Variants in FHIT observed in about 807,000 individuals in gnomAD.
FHIT encodes the protein bis(5'-adenosyl)-triphosphatase.
In FHIT, 19 loss-of-function variants were observed where a neutral mutation model predicts 17.9. That is an observed-to-expected ratio of 1.06 (90% confidence interval 0.74 to 1.56). FHIT has a LOEUF of 1.56. Among genes scored for constraint, FHIT ranks in the 40% most tolerant of loss-of-function variants. FHIT has a pLI of 0.00. For synonymous variants in FHIT, 81 were observed against 69.7 expected (o/e 1.16, Z -0.81); for missense variants, 248 against 189.2 (o/e 1.31, Z -1.82).
At chr3:61,166,673 T>C (rs909737973) in intron 2 of FHIT, among the ~76,000 whole-genome samples, 2 of 152,214 alleles carry the variant, frequency 1.3e-5, no homozygotes, top group African/African-American at 4.8e-5. Context: ...AAATATCCAC[T>C]TGTAACACAG....
intron 4 of FHIT, among the ~76,000 whole-genome samples, chr3:60,708,832 T>G: frequency 6.6e-6 from 1 of 152,234 alleles, no homozygotes; most frequent in Non-Finnish European, 1.5e-5. Flanking sequence ...GATATTGGAA[T>G]GAAGTTCAAG....
chr3:59,883,692 C>A (rs999030462), intron 8 of FHIT, among the ~76,000 whole-genome samples: 1 of 152,196 alleles, frequency 6.6e-6, no homozygotes, highest in Non-Finnish European at 1.5e-5. Context: ...TGCTACCGCA[C>A]GTCTCTTTCC....
At chr3:61,097,121 GC>G (rs1362574913) in intron 2 of FHIT, among the ~76,000 whole-genome samples, 1 of 151,144 alleles carries the variant, frequency 6.6e-6, no homozygotes, top group African/African-American at 2.4e-5. Flanking sequence ...TTCCAAGATG[GC>G]CGAATAGGAA....
chr3:59,945,667 A>G (rs1706765506), intron 7 of FHIT, among the ~76,000 whole-genome samples: 1 of 151,742 alleles, frequency 6.6e-6, no homozygotes. Context: ...CAGTAGTTTT[A>G]GGTTTTACAT....
chr3:60,500,891 T>C (rs1271279592), intron 5 of FHIT, among the ~76,000 whole-genome samples: 4 of 151,958 alleles, frequency 2.6e-5, no homozygotes, highest in Admixed American at 6.6e-5. Flanking sequence ...CAAGCCTTGA[T>C]TGGCTTCTTT....
At chr3:60,597,674 G>A (rs1301251840) in intron 4 of FHIT, among the ~76,000 whole-genome samples, 1 of 152,110 alleles carries the variant, frequency 6.6e-6, no homozygotes, top group Admixed American at 6.6e-5. Context: ...GTGTGAACAT[G>A]GGAGGGTAAC....
At chr3:59,824,820 T>G (rs746777778) in intron 8 of FHIT, among the ~76,000 whole-genome samples, 133 of 152,124 alleles carry the variant, frequency 8.7e-4, no homozygotes, top group Non-Finnish European at 1.6e-3. Context: ...TTCTCTATCC[T>G]CTCTCTCGGC....
At chr3:60,796,996 T>C (rs1016546067) in intron 4 of FHIT, among the ~76,000 whole-genome samples, 1 of 152,204 alleles carries the variant, frequency 6.6e-6, no homozygotes, top group African/African-American at 2.4e-5. Flanking sequence ...AGGCCATGTG[T>C]TTGTATTACA....
chr3:60,834,464 G>C (rs1490471517), intron 3 of FHIT, among the ~76,000 whole-genome samples: 8 of 151,974 alleles, frequency 5.3e-5, no homozygotes, highest in Non-Finnish European at 8.8e-5. Context: ...TTTTACTGTT[G>C]AGTTTGAAAA....
At chr3:60,130,603 G>T (rs62240245) in intron 5 of FHIT, among the ~76,000 whole-genome samples, 28,406 of 151,670 alleles carry the variant, frequency 0.19, 3,315 homozygotes, top group Non-Finnish European at 0.26. Context: ...CACTGGGCAT[G>T]TGACCTATAA....
At chr3:60,314,081 G>A (rs1461128013) in intron 5 of FHIT, among the ~76,000 whole-genome samples, 4 of 149,052 alleles carry the variant, frequency 2.7e-5, no homozygotes, top group East Asian at 2.0e-4. Flanking sequence ...TAAAAGGCTC[G>A]CTTTCACACT....
intron 2 of FHIT, among the ~76,000 whole-genome samples, chr3:61,065,294 CAT>C (rs1491461755): frequency 1.6e-3 from 57 of 35,532 alleles, no homozygotes; most frequent in African/African-American, 4.0e-3. Flanking sequence ...CACACACACA[CAT>C]ACACACACAG....
intron 8 of FHIT, among the ~76,000 whole-genome samples, chr3:59,796,274 G>T (rs533171492): frequency 2.0e-5 from 3 of 152,092 alleles, no homozygotes; most frequent in Admixed American, 2.0e-4. Flanking sequence ...CCTTACCCTG[G>T]CTCTGGGCCA....
At chr3:60,984,385 T>C (rs1274223888) in intron 3 of FHIT, among the ~76,000 whole-genome samples, 3 of 152,216 alleles carry the variant, frequency 2.0e-5, no homozygotes, top group Non-Finnish European at 4.4e-5. Flanking sequence ...CTACTGACCC[T>C]TCATTCCACC....
intron 4 of FHIT, among the ~76,000 whole-genome samples, chr3:60,702,114 T>C (rs1421490076): frequency 6.6e-6 from 1 of 152,220 alleles, no homozygotes; most frequent in African/African-American, 2.4e-5. Context: ...TCTGCCCATC[T>C]TGGCCTCCCA....
At chr3:59,923,404 C>A (rs573390498) in intron 7 of FHIT, among the ~76,000 whole-genome samples, 4 of 152,192 alleles carry the variant, frequency 2.6e-5, no homozygotes, top group Non-Finnish European at 5.9e-5. Context: ...TGCACTGATT[C>A]TGCGAACTTA....
chr3:60,827,538 A>G (rs1398801005), intron 3 of FHIT, among the ~76,000 whole-genome samples: 2 of 152,252 alleles, frequency 1.3e-5, no homozygotes, highest in Non-Finnish European at 2.9e-5. Context: ...GTTGATAAAC[A>G]TGATTCCACA....
intron 2 of FHIT, among the ~76,000 whole-genome samples, chr3:61,196,170 T>C (rs1293406203): frequency 2.0e-5 from 3 of 151,760 alleles, no homozygotes; most frequent in Non-Finnish European, 4.4e-5. Flanking sequence ...AAGAGAGAGG[T>C]GAACACCAGA....
At chr3:60,984,230 C>A (rs1710619061) in intron 3 of FHIT, among the ~76,000 whole-genome samples, 1 of 152,172 alleles carries the variant, frequency 6.6e-6, no homozygotes, top group African/African-American at 2.4e-5. Context: ...AAAATGATAC[C>A]TGCCTAATTC....
Sources: allele counts gnomAD v4.1 joint callset (sites outside exome capture counted in the v4.1 genomes callset), GRCh38; gene constraint gnomAD v4.1.1; transcripts MANE v1.5; gene names NCBI Gene and HGNC (gene_info 2026-07-23, HGNC 2026-07-21).